Variants in LRBA observed in about 807,000 individuals in gnomAD.
LRBA encodes lipopolysaccharide-responsive and beige-like anchor protein.
LRBA carries 176 observed loss-of-function variants against 330.0 expected under a neutral mutation model. That is an observed-to-expected ratio of 0.53 (90% CI 0.47 to 0.60). LRBA has a LOEUF of 0.60. Ranked by LOEUF, LRBA falls within the 20% of genes least tolerant of loss-of-function variation. LRBA has a pLI of 0.00. For synonymous variants in LRBA, 1,230 were observed against 1,193.0 expected, an observed-to-expected ratio of 1.03 and a Z score of -0.64; for missense variants, 3,259 against 3,444.8, an observed-to-expected ratio of 0.95 and a Z score of 1.35.
chr4:150,937,928 C>T (rs1425002999), intron 2 of LRBA, among the ~76,000 whole-genome samples: 1 of 152,024 alleles, frequency 6.6e-6, no homozygotes, highest in Admixed American at 6.6e-5. Flanking sequence ...AAATAATTAT[C>T]TTCTCTTCAA....
At position 150,630,425 on chromosome 4, in the gene LRBA, A is replaced by C. The variant is rs115176029; in HGVS notation, c.5922-31294T>G. ...ATGTTGGAAGATAATTGCAGAGAAA[A>C]AAGTCAGAAATTGAGCTTTATTAAT... On this transcript the variant is annotated intron_variant, in intron 37 of 56. Transcript: ENST00000651943. Among the ~76,000 whole-genome samples the C allele has an allele frequency of 6.0e-3, 911 of 152,354 alleles. 7 individuals carry two copies. The highest frequency in any genetic ancestry group is 0.021 in the African/African-American group (854 of 41,582).
At chr4:150,694,814 A>G (rs1159465048) in intron 36 of LRBA, among the ~76,000 whole-genome samples, 3 of 152,166 alleles carry the variant, frequency 2.0e-5, no homozygotes, top group Non-Finnish European at 4.4e-5. Context: ...GTTACAAACT[A>G]TAGTCCTCAG....
At chr4:150,445,653 A>G (rs763780687) in intron 44 of LRBA, among the ~76,000 whole-genome samples, 7 of 151,908 alleles carry the variant, frequency 4.6e-5, no homozygotes, top group Non-Finnish European at 7.4e-5. Flanking sequence ...AAAAATATTA[A>G]ATCGTTTTAA....
chr4:150,943,288 C>A (rs1456405828), intron 2 of LRBA, among the ~76,000 whole-genome samples: 1 of 152,158 alleles, frequency 6.6e-6, no homozygotes, highest in African/African-American at 2.4e-5. Context: ...AACCTCTTTT[C>A]CTTTTTATTT....
intron 48 of LRBA, among the ~76,000 whole-genome samples, chr4:150,335,510 C>G (rs918710242): frequency 6.9e-6 from 1 of 145,572 alleles, no homozygotes; most frequent in East Asian, 2.0e-4. Flanking sequence ...TATACACACA[C>G]ATATACGTAT....
At position 150,867,765 on chromosome 4, in the gene LRBA, T is replaced by C. The variant is rs368889016; in HGVS notation, c.2672A>G (p.Tyr891Cys). ...GTAAAGCAGGATTCTGAATATGGCGTATACCATTTCTGTTATCTTTTGCTC... is the reference window on the plus strand; with the variant it reads ...GTAAAGCAGGATTCTGAATATGGCGCATACCATTTCTGTTATCTTTTGCTC... ...SDEQKITEMV[Y>C]AIFRILLYHA... The change falls in exon 22 of 57, where the codon TAC becomes TGC. Residue 891 changes from tyrosine to cysteine, a missense_variant. Coordinates refer to ENST00000651943, the MANE Select transcript of LRBA (RefSeq NM_001364905.1). 1.9e-6 allele frequency: 3 copies of C among 1,613,848 alleles called. No individual in the cohort carries two copies. The highest frequency in any genetic ancestry group is 2.5e-6 in the Non-Finnish European group (3 of 1,179,780).
chr4:150,932,948 A>C (rs558504069), intron 2 of LRBA, among the ~76,000 whole-genome samples: 1 of 152,090 alleles, frequency 6.6e-6, no homozygotes, highest in African/African-American at 2.4e-5. Context: ...AAAAATAGCA[A>C]TTTGGTAATA....
intron 16 of LRBA, among the ~76,000 whole-genome samples, chr4:150,894,686 G>A (rs1195533544): frequency 6.6e-6 from 1 of 152,114 alleles, no homozygotes; most frequent in African/African-American, 2.4e-5. Context: ...AGATGATCTG[G>A]AGCTAGGACA....
At chr4:150,322,463 G>A (rs1241450719) in intron 49 of LRBA, among the ~76,000 whole-genome samples, 1 of 152,284 alleles carries the variant, frequency 6.6e-6, no homozygotes, top group Admixed American at 6.5e-5. Context: ...ACACTTTGAT[G>A]AAATGCTTCT....
chr4:150,586,950 G>T (rs955935133), intron 40 of LRBA, among the ~76,000 whole-genome samples: 20 of 151,924 alleles, frequency 1.3e-4, no homozygotes, highest in Admixed American at 2.0e-4. Flanking sequence ...TTCAGTCATG[G>T]GACAAAGTAG....
chr4:150,667,159 G>T (rs1356126523), intron 37 of LRBA, among the ~76,000 whole-genome samples: 1 of 152,170 alleles, frequency 6.6e-6, no homozygotes, highest in East Asian at 1.9e-4. Context: ...GATAGACACT[G>T]TGCTAGGCTG....
At chr4:150,803,111 T>C (rs9683641) in intron 33 of LRBA, among the ~76,000 whole-genome samples, 3,473 of 128,796 alleles carry the variant, frequency 0.027, 152 homozygotes, top group East Asian at 0.13. Context: ...CACACACACA[T>C]ATATACACAC....
At chr4:150,373,886 T>C (rs1022891774) in intron 47 of LRBA, among the ~76,000 whole-genome samples, 1 of 152,196 alleles carries the variant, frequency 6.6e-6, no homozygotes, top group Admixed American at 6.5e-5. Flanking sequence ...CCTCATACCA[T>C]CTAAAAATAT....
intron 36 of LRBA, among the ~76,000 whole-genome samples, chr4:150,710,272 A>C (rs539382214): frequency 6.6e-6 from 1 of 152,212 alleles, no homozygotes; most frequent in Non-Finnish European, 1.5e-5. Flanking sequence ...TATGTAAGCA[A>C]GTAAGTAAAT....
intron 9 of LRBA, 126 bp from the exon 10 acceptor site, chr4:150,908,983 C>T: frequency 1.7e-6 from 1 of 587,856 alleles, no homozygotes; most frequent in Non-Finnish European, 2.8e-6. Flanking sequence ...TATAAGAGGA[C>T]CCCTCGTTTA....
chr4:150,298,319 C>A (rs1299322717), intron 53 of LRBA, among the ~76,000 whole-genome samples: 3 of 151,966 alleles, frequency 2.0e-5, no homozygotes, highest in Non-Finnish European at 4.4e-5. Context: ...GATGAGTAGT[C>A]TATGTGTATC....
chr4:150,878,479 A>T (rs991690561), intron 17 of LRBA, among the ~76,000 whole-genome samples: 36 of 152,204 alleles, frequency 2.4e-4, no homozygotes, highest in African/African-American at 8.4e-4. Context: ...AGAAGAAAAT[A>T]AAAAATAACA....
chr4:150,439,992 T>G (rs1278797546), intron 44 of LRBA, among the ~76,000 whole-genome samples: 1 of 152,212 alleles, frequency 6.6e-6, no homozygotes, highest in African/African-American at 2.4e-5. Flanking sequence ...GGATGTTTAT[T>G]CATCTCTGCA....
At chr4:150,461,714 T>C (rs140519309) in intron 44 of LRBA, among the ~76,000 whole-genome samples, 21 of 151,988 alleles carry the variant, frequency 1.4e-4, no homozygotes, top group African/African-American at 4.8e-4. Flanking sequence ...GCCAAGATAA[T>C]TGGGTTTTCA....
Sources: allele counts gnomAD v4.1 joint callset (sites outside exome capture counted in the v4.1 genomes callset), GRCh38; gene constraint gnomAD v4.1.1; transcripts MANE v1.5; gene names NCBI Gene and HGNC (gene_info 2026-07-23, HGNC 2026-07-21).